GNAQ: variants seen among roughly 807,000 people sequenced by gnomAD.
GNAQ encodes G protein subunit alpha q.
In GNAQ, 8 loss-of-function variants were observed where a neutral mutation model predicts 43.9. That is an observed-to-expected ratio of 0.18 (90% CI 0.11 to 0.33). The LOEUF is 0.33. GNAQ is among the 10% of genes least tolerant of loss of function. The pLI, the probability that GNAQ is intolerant of heterozygous loss-of-function variation, is 1.00. For missense variants in GNAQ, 158 were observed against 450.8 expected, an observed-to-expected ratio of 0.35 and a Z score of 5.88; for synonymous variants, 155 against 170.7, an observed-to-expected ratio of 0.91 and a Z score of 0.71.
At chr9:77,922,436 T>C in intron 1 of GNAQ, 91 bp from the exon 2 acceptor site, 17 of 813,424 alleles carry the variant, frequency 2.1e-5, no homozygotes, top group East Asian at 2.6e-5. Context: ...GGATTTAACA[T>C]CCCCAGATAG....
chr9:77,857,261 GT>G (rs991225422), intron 2 of GNAQ, among the ~76,000 whole-genome samples: 2 of 152,148 alleles, frequency 1.3e-5, no homozygotes, highest in African/African-American at 4.8e-5. Flanking sequence ...GGATTACTCT[GT>G]TGTGAAATTC....
At chr9:77,849,979 T>C (rs1456435745) in intron 2 of GNAQ, among the ~76,000 whole-genome samples, 1 of 152,190 alleles carries the variant, frequency 6.6e-6, no homozygotes, top group Non-Finnish European at 1.5e-5. Context: ...GACCACTCTG[T>C]CTAAAACTAC....
intron 2 of GNAQ, among the ~76,000 whole-genome samples, chr9:77,883,346 C>CCTT (rs1202108976): frequency 6.6e-5 from 10 of 152,084 alleles, no homozygotes; most frequent in Non-Finnish European, 1.3e-4. Context: ...ACCTCATGTA[C>CCTT]CTTCATTCTC....
intron 1 of GNAQ, among the ~76,000 whole-genome samples, chr9:78,016,380 A>G (rs958768536): frequency 3.9e-5 from 6 of 152,192 alleles, no homozygotes; most frequent in African/African-American, 1.4e-4. Context: ...GAAAACCATC[A>G]AAGTTTTAGA....
intron 1 of GNAQ, among the ~76,000 whole-genome samples, chr9:77,942,470 G>A (rs1749125165): frequency 1.3e-5 from 2 of 152,162 alleles, no homozygotes; most frequent in Admixed American, 1.3e-4. Context: ...TGATATACTT[G>A]CAAAATGGTT....
chr9:77,866,527 T>C (rs1188271530), intron 2 of GNAQ, among the ~76,000 whole-genome samples: 1 of 152,216 alleles, frequency 6.6e-6, no homozygotes, highest in Admixed American at 6.5e-5. Context: ...TTGTCAGTCT[T>C]TACCAAAAGC....
intron 1 of GNAQ, among the ~76,000 whole-genome samples, chr9:77,957,423 T>C (rs1823056625): frequency 6.6e-6 from 1 of 151,962 alleles, no homozygotes; most frequent in African/African-American, 2.4e-5. Flanking sequence ...AATATCCACA[T>C]CAGTTACAGC....
intron 1 of GNAQ, among the ~76,000 whole-genome samples, chr9:77,974,906 G>C (rs748423313): frequency 2.6e-5 from 4 of 152,124 alleles, no homozygotes; most frequent in Admixed American, 6.5e-5. Context: ...AAATATTCTT[G>C]TACAGTGTTT....
At chr9:77,819,029 ACAC>A (rs1564120123) in intron 2 of GNAQ, among the ~76,000 whole-genome samples, 1 of 119,180 alleles carries the variant, frequency 8.4e-6, no homozygotes, top group Non-Finnish European at 1.8e-5. Flanking sequence ...AAAAAAAAAA[ACAC>A]CCAAAAATAC....
intron 2 of GNAQ, among the ~76,000 whole-genome samples, chr9:77,825,700 T>C (rs1827183770): frequency 6.6e-6 from 1 of 152,096 alleles, no homozygotes; most frequent in Non-Finnish European, 1.5e-5. Flanking sequence ...AAATACAAAG[T>C]GAATGTCTGT....
chr9:77,914,603 G>A (rs1476285812), intron 2 of GNAQ, among the ~76,000 whole-genome samples: 4 of 151,948 alleles, frequency 2.6e-5, no homozygotes, highest in East Asian at 1.9e-4. Context: ...CGGAGGTTGC[G>A]GTGAGCCGAG....
chr9:77,751,990 C>T (rs1256969029), intron 5 of GNAQ, among the ~76,000 whole-genome samples: 2 of 152,202 alleles, frequency 1.3e-5, no homozygotes, highest in African/African-American at 4.8e-5. Flanking sequence ...CATGTTCAGG[C>T]TGTGTGATAG....
At chr9:77,791,322 C>T (rs1826568018) in intron 5 of GNAQ, among the ~76,000 whole-genome samples, 1 of 152,170 alleles carries the variant, frequency 6.6e-6, no homozygotes, top group African/African-American at 2.4e-5. Context: ...TTTGGATACA[C>T]ACTGATAAAC....
At chr9:77,807,912 A>T (rs902355044) in intron 3 of GNAQ, among the ~76,000 whole-genome samples, 1 of 152,214 alleles carries the variant, frequency 6.6e-6, no homozygotes. Context: ...TATACACAAT[A>T]CATAAACAAA....
intron 5 of GNAQ, among the ~76,000 whole-genome samples, chr9:77,769,274 C>A (rs1383864117): frequency 6.6e-6 from 1 of 151,878 alleles, no homozygotes; most frequent in Non-Finnish European, 1.5e-5. Context: ...TGGTGGCATG[C>A]GCCTGTAATC....
intron 2 of GNAQ, among the ~76,000 whole-genome samples, chr9:77,831,708 C>T (rs754421121): frequency 6.6e-6 from 1 of 152,088 alleles, no homozygotes; most frequent in Non-Finnish European, 1.5e-5. Context: ...AAAATGCCCA[C>T]GTGATATAAT....
chr9:77,982,774 C>T (rs963225235), intron 1 of GNAQ, among the ~76,000 whole-genome samples: 2 of 143,398 alleles, frequency 1.4e-5, no homozygotes, highest in Non-Finnish European at 1.5e-5. Context: ...GGAAGGGGAA[C>T]ATCACACACC....
chr9:78,007,603 C>G (rs1823723434), intron 1 of GNAQ, among the ~76,000 whole-genome samples: 1 of 152,166 alleles, frequency 6.6e-6, no homozygotes, highest in Admixed American at 6.5e-5. Flanking sequence ...TTCATTTGCT[C>G]AAAGTAAATG....
At chr9:78,028,023 T>A (rs182626334) in intron 1 of GNAQ, among the ~76,000 whole-genome samples, 1 of 152,294 alleles carries the variant, frequency 6.6e-6, no homozygotes, top group African/African-American at 2.4e-5. Context: ...AATGAGGTTA[T>A]CTATGTACCA....
Sources: allele counts gnomAD v4.1 joint callset (sites outside exome capture counted in the v4.1 genomes callset), GRCh38; gene constraint gnomAD v4.1.1; transcripts MANE v1.5; gene names NCBI Gene and HGNC (gene_info 2026-07-23, HGNC 2026-07-21).